PHF8: variants seen among roughly 807,000 people sequenced by gnomAD.
PHF8 encodes the protein histone lysine demethylase PHF8.
A neutral mutation model predicts 74.4 loss-of-function variants in PHF8; 9 were observed. That is an observed-to-expected ratio of 0.12 (90% CI 0.07 to 0.21). The LOEUF is 0.21. PHF8 is among the 10% of genes least tolerant of loss of function. The pLI is 1.00. For synonymous variants in PHF8, 311 were observed against 316.6 expected (o/e 0.98, Z 0.19); for missense variants, 478 against 816.6 (o/e 0.59, Z 5.05).
chrX:53,978,871 C>G (rs1022268607), intron 18 of PHF8, among the ~76,000 whole-genome samples: 2 of 109,267 alleles, frequency 1.8e-5, no homozygotes, highest in Non-Finnish European at 3.8e-5. Context: ...TGCATAATTC[C>G]ATTTATATGA....
intron 18 of PHF8, among the ~76,000 whole-genome samples, chrX:53,979,536 C>CA (rs1226178986): frequency 9.0e-6 from 1 of 110,742 alleles, no homozygotes; most frequent in Non-Finnish European, 1.9e-5. Flanking sequence ...TCAATAAAGC[C>CA]AAAAAACTAG....
At chrX:53,940,957 T>A (rs2064742050) in intron 20 of PHF8, among the ~76,000 whole-genome samples, 3 of 112,558 alleles carry the variant, frequency 2.7e-5, no homozygotes, top group African/African-American at 9.7e-5. Context: ...AGTGCAGGGA[T>A]ATTAAGTAAC....
chrX:53,999,221 T>C (rs1199565014), intron 11 of PHF8, among the ~76,000 whole-genome samples: 1 of 111,792 alleles, frequency 8.9e-6, no homozygotes, highest in African/African-American at 3.3e-5. Context: ...ACCCCTCTCC[T>C]TTTTCTTCCT....
chrX:53,974,550 A>C (rs1477163700), intron 18 of PHF8, among the ~76,000 whole-genome samples: 2 of 111,663 alleles, frequency 1.8e-5, no homozygotes, highest in Non-Finnish European at 3.8e-5. Flanking sequence ...CAGTAATCCT[A>C]TTACTGGATA....
At chrX:53,959,707 C>CA (rs1557090052) in intron 19 of PHF8, among the ~76,000 whole-genome samples, 1 of 107,536 alleles carries the variant, frequency 9.3e-6, no homozygotes, top group East Asian at 3.0e-4. Context: ...ACTAAAAATA[C>CA]AAAAAAATTA....
intron 18 of PHF8, among the ~76,000 whole-genome samples, chrX:53,974,034 C>T (rs781783453): frequency 3.6e-5 from 4 of 110,850 alleles, no homozygotes; most frequent in Admixed American, 9.7e-5. Flanking sequence ...CTGAGGCGGG[C>T]GGATCACGAG....
intron 18 of PHF8, among the ~76,000 whole-genome samples, chrX:53,973,499 C>A (rs1557095223): frequency 9.0e-6 from 1 of 111,361 alleles, no homozygotes; most frequent in African/African-American, 3.3e-5. Flanking sequence ...CACACCTACA[C>A]ACATCTAATC....
chrX:54,017,589 T>C lies in PHF8; in HGVS notation c.454+72A>G, dbSNP rs781962135. On this transcript the variant is annotated intron_variant, in intron 5 of 21. Coordinates refer to ENST00000338154, the MANE Select transcript of PHF8 (RefSeq NM_015107.3). ...GTTACAGAGGAAATGCAAAAACAGATTGGAGGGGAAGGGACACAGATCTTG... is the reference window on the plus strand; with the variant it reads ...GTTACAGAGGAAATGCAAAAACAGACTGGAGGGGAAGGGACACAGATCTTG... The C allele has an allele frequency of 2.7e-4, 251 of 941,198 alleles. 3 individuals are homozygous for C. In the South Asian group the frequency reaches 4.5e-3, roughly 17 times the overall value. 77.6% of individuals were successfully genotyped at this position (941,198 alleles called of 1,213,427 possible). A position where few individuals can be genotyped will look rare whatever the true frequency, so the allele number is the denominator to read the frequency against.
rs782819493 is a variant in PHF8 at position 53,936,692 on chromosome X, A to T, written c.*2466T>A. 9 of 111,084 alleles carry T rather than the reference A, an allele frequency of 8.1e-5. No homozygotes were observed. In the East Asian group the frequency reaches 2.3e-3, roughly 28 times the overall value. 9.2% of individuals were successfully genotyped at this position (111,084 alleles called of 1,213,427 possible). On this transcript the variant is annotated 3_prime_UTR_variant, in exon 22 of 22. Transcript: ENST00000338154. Reference sequence around the variant, plus strand: ...CCAAGCAAAGCAATTGCCAAGATAAATCACTTTTATCTCTATAGGAAAGGG... The same window carrying T: ...CCAAGCAAAGCAATTGCCAAGATAATTCACTTTTATCTCTATAGGAAAGGG...
At chrX:53,948,490 C>G (rs782722265) in intron 19 of PHF8, among the ~76,000 whole-genome samples, 1 of 110,171 alleles carries the variant, frequency 9.1e-6, no homozygotes, top group Admixed American at 9.7e-5. Flanking sequence ...CCAGGCTGGT[C>G]TTAAACTCCT....
chrX:54,014,069 C>T (rs1297618847), intron 7 of PHF8, among the ~76,000 whole-genome samples: 4 of 109,820 alleles, frequency 3.6e-5, no homozygotes, highest in African/African-American at 1.3e-4. Context: ...CATTCTCCTG[C>T]CTCAGCCTCC....
In PHF8 at chrX:53,999,859, T is replaced by C. The variant is rs2065802637; in HGVS notation, c.1233+11A>G. On this transcript the variant is annotated intron_variant, in intron 11 of 21. Transcript: ENST00000338154. ...AAACTCCAGAGGAGGTAGAGAAATA[T>C]GCATATTTACTTCTTTCCTTGTCCA... The C allele has an allele frequency of 5.5e-6, 6 of 1,099,729 alleles. No individual in the cohort carries two copies. Among genetic ancestry groups the C allele is most frequent in the Admixed American group, 2.2e-5 (1 of 45,373 alleles). 90.6% of individuals were successfully genotyped at this position (1,099,729 alleles called of 1,213,427 possible).
At chrX:54,002,731 T>C (rs370027703) in intron 8 of PHF8, 49 bp from the exon 9 acceptor site, 3 of 824,051 alleles carry the variant, frequency 3.6e-6, no homozygotes. Flanking sequence ...CCTTTCTTCC[T>C]CTGATTATCT....
At chrX:54,028,019 C>A (rs1015150047) in intron 2 of PHF8, among the ~76,000 whole-genome samples, 1 of 106,277 alleles carries the variant, frequency 9.4e-6, no homozygotes, top group Non-Finnish European at 1.9e-5. Context: ...CACACACACA[C>A]AATGGGGGGG....
At chrX:53,985,633 A>C in intron 17 of PHF8, 183 bp downstream of exon 17, 1 of 786,720 alleles carries the variant, frequency 1.3e-6, no homozygotes, top group South Asian at 2.3e-5. Flanking sequence ...TTGCCATCAG[A>C]TCTTAAGTTC....
intron 18 of PHF8, among the ~76,000 whole-genome samples, chrX:53,977,545 C>T (rs1354849351): frequency 9.0e-6 from 1 of 111,063 alleles, no homozygotes; most frequent in Non-Finnish European, 1.9e-5. Flanking sequence ...ATTAAAATAA[C>T]TATATTGACA....
intron 14 of PHF8, among the ~76,000 whole-genome samples, chrX:53,988,510 A>C (rs1460412994): frequency 2.7e-5 from 3 of 111,689 alleles, no homozygotes; most frequent in African/African-American, 9.8e-5. Flanking sequence ...GTAAAATTAA[A>C]AATTTTTGTA....
Position 54,014,370 on chromosome X carries a change from T to C in PHF8, c.783+7A>G. On this transcript the variant is annotated splice_region_variant and intron_variant, in intron 7 of 21. Transcript: ENST00000338154. ...TGGCTGCCTCCAGAAGCCATGCGCA[T>C]TCCTACCTTGAGTACATGGTACCAG... 8.3e-7 allele frequency: 1 copy of C among 1,200,124 alleles called. No individual in the cohort carries two copies. Among genetic ancestry groups the C allele is most frequent in the African/African-American group, 1.7e-5 (1 of 57,601 alleles).
chrX:54,032,655 C>CTATA (rs1557112889), intron 2 of PHF8, among the ~76,000 whole-genome samples: 2 of 111,126 alleles, frequency 1.8e-5, no homozygotes, highest in African/African-American at 3.3e-5. Flanking sequence ...ACTTGACACA[C>CTATA]TATATATTAA....
Sources: gnomAD v4.1 joint callset for allele counts (sites outside exome capture counted in the v4.1 genomes callset) on GRCh38, gnomAD v4.1.1 for gene constraint, MANE v1.5 for transcripts, NCBI Gene and HGNC (gene_info 2026-07-23, HGNC 2026-07-21) for gene names.